LRRC26: variants seen among roughly 807,000 people sequenced by gnomAD.
LRRC26 encodes leucine-rich repeat-containing protein 26.
A neutral mutation model predicts 15.3 loss-of-function variants in LRRC26; 17 were observed. The observed-to-expected ratio is 1.11, with a 90% confidence interval of 0.76 to 1.66. The LOEUF (loss-of-function observed/expected upper bound fraction) is 1.66. Ranked by LOEUF, LRRC26 falls within the 40% of genes most tolerant of loss-of-function variation. The pLI, the probability that LRRC26 is intolerant of heterozygous loss-of-function variation, is 0.00. For synonymous variants in LRRC26, 301 were observed against 272.1 expected (o/e 1.11, Z -1.05); for missense variants, 573 against 501.0 (o/e 1.14, Z -1.37).
rs1190852860 is a variant in LRRC26, at chr9:137,170,007, C to T, written c.-64G>A. On this transcript the variant is annotated 5_prime_UTR_variant, in exon 1 of 2. Transcript: ENST00000371542. ...GCCCGCTGCCTGTGCGTCCCTGGAGCCCGTCGTCCGCGGAGCCCGTTCCTG... is the reference window on the plus strand; with the variant it reads ...GCCCGCTGCCTGTGCGTCCCTGGAGTCCGTCGTCCGCGGAGCCCGTTCCTG... The T allele has an allele frequency of 7.3e-7, 1 of 1,361,568 alleles. No individual in the cohort carries two copies. Among genetic ancestry groups the T allele is most frequent in the Non-Finnish European group, 9.4e-7 (1 of 1,065,408 alleles). The allele number at this position is 1,361,568 out of a possible 1,614,324, so 84.3% of individuals were successfully genotyped here. A position where few individuals can be genotyped will look rare whatever the true frequency, so the allele number is the denominator to read the frequency against.
At position 137,169,938 on chromosome 9, in the gene LRRC26, C is replaced by A. The variant is rs1221640751; in HGVS notation, c.6G>T (p.Arg2=). The A allele has an allele frequency of 3.8e-5, 55 of 1,446,008 alleles. No homozygotes were observed. The highest frequency in any genetic ancestry group is 4.8e-5 in the Non-Finnish European group (53 of 1,110,518). The allele number at this position is 1,446,008 out of a possible 1,614,324, so 89.6% of individuals were successfully genotyped here. A position where few individuals can be genotyped will look rare whatever the true frequency, so the allele number is the denominator to read the frequency against. The change falls in exon 1 of 2, where the codon CGG becomes CGT. Residue 2 remains arginine (R), a synonymous_variant. Transcript: ENST00000371542. ...GCCGAGGCCGCGACCAGGAAGGGCC[C>A]CGCATGGGGGCAGCCCCCCCGCCCC... The part of the protein sequence containing the change: M[R]GPSWSRPRPL...
rs1216669722 is a variant in LRRC26 at position 137,169,318 on chromosome 9, A to G, written c.626T>C (p.Leu209Pro). 7.0e-7 allele frequency: 1 copy of G among 1,428,896 alleles called. No homozygotes were observed. Among genetic ancestry groups the G allele is most frequent in the Non-Finnish European group, 9.1e-7 (1 of 1,098,820 alleles). 88.5% of individuals were successfully genotyped at this position (1,428,896 alleles called of 1,614,324 possible). Residue 209 changes from leucine to proline, a missense_variant, in exon 1 of 2, where the codon CTG (leucine) becomes CCG (proline). Physicochemically the swap from Leu to Pro is moderately conservative, Grantham distance 98 (BLOSUM62 -3). Transcript: ENST00000371542. Reference sequence around the variant, plus strand: ...GCGCAGCCAGGCGCAGAGCGGGCGCAGCGCGCACCCGCAGCCCCAAGGGTT... The same window carrying G: ...GCGCAGCCAGGCGCAGAGCGGGCGCGGCGCGCACCCGCAGCCCCAAGGGTT... ...RGNPWGCGCA[L>P]RPLCAWLRRH... is the part of the protein sequence containing the mutation.
chr9:137,169,136 G>A lies in LRRC26; in HGVS notation c.723C>T (p.Pro241=). 3.2e-6 allele frequency: 5 copies of A among 1,553,720 alleles called. No individual in the cohort carries two copies. The highest frequency in any genetic ancestry group is 4.3e-6 in the Non-Finnish European group (5 of 1,156,938). The change falls in exon 2 of 2, where the codon CCC becomes CCT. Residue 241 remains proline, a synonymous_variant. Transcript: ENST00000371542. ...CVWPGRLTLS[P]LTAFSDAAFS... ...AGGCGGCGTCGGAAAAGGCAGTCAG[G>A]GGGCTGAGCGTCAGGCGTCCCGGCC... is the stretch of plus-strand genomic sequence containing the variant.
Position 137,169,983 on chromosome 9 carries a change from C to G in LRRC26, c.-40G>C, listed in dbSNP as rs1172471063. 2.7e-5 allele frequency: 37 copies of G among 1,383,480 alleles called. No homozygotes were observed. Among genetic ancestry groups the G allele is most frequent in the Non-Finnish European group, 3.2e-5 (35 of 1,079,470 alleles). The allele number at this position is 1,383,480 out of a possible 1,614,324, so 85.7% of individuals were successfully genotyped here. A position where few individuals can be genotyped will look rare whatever the true frequency, so the allele number is the denominator to read the frequency against. On this transcript the variant is annotated 5_prime_UTR_variant, in exon 1 of 2. Transcript: ENST00000371542. ...CGCCCCCGGCACCCGCGGTGGGAGG[C>G]CCGCTGCCTGTGCGTCCCTGGAGCC... is the stretch of plus-strand genomic sequence containing the variant.
In LRRC26 at chr9:137,169,280, G is replaced by A; in HGVS notation, c.664C>T (p.Pro222Ser). Residue 222 changes from proline to serine, a missense_variant, in exon 1 of 2, where the codon CCC becomes TCC. Pro to Ser is a moderately conservative substitution (Grantham distance 74). Coordinates refer to ENST00000371542, the MANE Select transcript of LRRC26 (RefSeq NM_001013653.3). ...LCAWLRRHPL[P>S]ASEAETVLCV... ...GTCCCCAGCAGCTCACCTGACGCGGGCAGCGGGTGCCGGCGCAGCCAGGCG... is the reference window on the plus strand; with the variant it reads ...GTCCCCAGCAGCTCACCTGACGCGGACAGCGGGTGCCGGCGCAGCCAGGCG... 7.2e-7 allele frequency: 1 copy of A among 1,380,178 alleles called. No individual in the cohort carries two copies. The highest frequency in any genetic ancestry group is 1.5e-5 in the African/African-American group (1 of 65,548). The allele number at this position is 1,380,178 out of a possible 1,614,324, so 85.5% of individuals were successfully genotyped here. A position where few individuals can be genotyped will look rare whatever the true frequency, so the allele number is the denominator to read the frequency against.
At position 137,169,479 on chromosome 9, in the gene LRRC26, C is replaced by CA. The variant is rs1384468238; in HGVS notation, c.464dup (p.Ala156GlyfsTer96). The CA allele has an allele frequency of 2.0e-5, 30 of 1,521,034 alleles. No individual in the cohort carries two copies. Among genetic ancestry groups the CA allele is most frequent in the Non-Finnish European group, 2.5e-5 (29 of 1,141,686 alleles). 94.2% of individuals were successfully genotyped at this position (1,521,034 alleles called of 1,614,324 possible). A position where few individuals can be genotyped will look rare whatever the true frequency, so the allele number is the denominator to read the frequency against. ...CTAGCGCCGCGGGCTCCAGGCGCGC[C>CA]AGCCGGTTGCCGGCCAATGAGAGGT... is the stretch of plus-strand genomic sequence containing the variant. On this transcript the variant is annotated frameshift_variant, in exon 1 of 2. Coordinates refer to ENST00000371542, the MANE Select transcript of LRRC26 (RefSeq NM_001013653.3). LOFTEE classifies it high-confidence loss of function.
rs1834062405 is a variant in LRRC26, at chr9:137,169,970, C to T, written c.-27G>A. On this transcript the variant is annotated 5_prime_UTR_variant, in exon 1 of 2. Transcript: ENST00000371542. Reference sequence around the variant, plus strand: ...GGGGCAGCCCCCCCGCCCCCGGCACCCGCGGTGGGAGGCCCGCTGCCTGTG... The same window carrying T: ...GGGGCAGCCCCCCCGCCCCCGGCACTCGCGGTGGGAGGCCCGCTGCCTGTG... The T allele has an allele frequency of 7.2e-7, 1 of 1,393,374 alleles. No individual in the cohort carries two copies. The highest frequency in any genetic ancestry group is 9.2e-7 in the Non-Finnish European group (1 of 1,085,298). 86.3% of individuals were successfully genotyped at this position (1,393,374 alleles called of 1,614,324 possible).
chr9:137,169,213 T>G, intron 1 of LRRC26, 28 bp from the exon 2 acceptor site: 1 of 1,404,380 alleles, frequency 7.1e-7, no homozygotes, highest in Non-Finnish European at 9.2e-7. Flanking sequence ...AGGCGCGGCG[T>G]CAGGTGGCGG....
Position 137,169,746 on chromosome 9 carries a change from G to A in LRRC26, c.198C>T (p.Pro66=). Residue 66 remains proline (P), a synonymous_variant, in exon 1 of 2, where the codon CCC becomes CCT. Transcript: ENST00000371542. ...SCSALSLPAV[P]PGLSLRLRAL... is the part of the protein sequence containing the mutation. ...CGCGCAGGCGCAGGCTCAGGCCCGG[G>A]GGCACGGCGGGCAGCGAGAGTGCCG... The A allele has an allele frequency of 7.1e-7, 1 of 1,407,984 alleles. No homozygotes were observed. Among genetic ancestry groups the A allele is most frequent in the Admixed American group, 3.4e-5 (1 of 29,074 alleles). The allele number at this position is 1,407,984 out of a possible 1,614,324, so 87.2% of individuals were successfully genotyped here. A position where few individuals can be genotyped will look rare whatever the true frequency, so the allele number is the denominator to read the frequency against.
chr9:137,169,521 C>A lies in LRRC26; in HGVS notation c.423G>T (p.Pro141=). The A allele has an allele frequency of 2.0e-6, 3 of 1,523,630 alleles. No individual in the cohort carries two copies. Among genetic ancestry groups the A allele is most frequent in the African/African-American group, 2.8e-5 (2 of 70,590 alleles). 94.4% of individuals were successfully genotyped at this position (1,523,630 alleles called of 1,614,324 possible). A position where few individuals can be genotyped will look rare whatever the true frequency, so the allele number is the denominator to read the frequency against. ...LEALAPGTFA[P]LRALRNLSLA... is the part of the protein sequence containing the mutation. Reference sequence around the variant, plus strand: ...ATGAGAGGTTGCGCAGCGCGCGCAGCGGCGCGAAAGTCCCTGGTGCCAGTG... The same window carrying A: ...ATGAGAGGTTGCGCAGCGCGCGCAGAGGCGCGAAAGTCCCTGGTGCCAGTG... The change falls in exon 1 of 2, where the codon CCG becomes CCT. Residue 141 remains proline, a synonymous_variant. Transcript: ENST00000371542.
Position 137,169,196 on chromosome 9 carries a change from C to T in LRRC26, c.674-11G>A, listed in dbSNP as rs183059277. ...GCACCGTCTCGGCCTCTGTGGGACA[C>T]AGACAAAGGCGCGGCGTCAGGTGGC... On this transcript the variant is annotated splice_polypyrimidine_tract_variant and intron_variant, in intron 1 of 1. Transcript: ENST00000371542. The T allele has an allele frequency of 1.0e-3, 1,491 of 1,432,870 alleles. 13 individuals are homozygous for T. In the African/African-American group the frequency reaches 0.019, roughly 19 times the overall value. 88.8% of individuals were successfully genotyped at this position (1,432,870 alleles called of 1,614,324 possible). A position where few individuals can be genotyped will look rare whatever the true frequency, so the allele number is the denominator to read the frequency against.
At position 137,169,402 on chromosome 9, in the gene LRRC26, G is replaced by T; in HGVS notation, c.542C>A (p.Ala181Glu). 1 of 1,504,970 alleles carries T rather than the reference G, an allele frequency of 6.6e-7. No individual in the cohort carries two copies. The highest frequency in any genetic ancestry group is 2.7e-5 in the East Asian group (1 of 36,546). 93.2% of individuals were successfully genotyped at this position (1,504,970 alleles called of 1,614,324 possible). A position where few individuals can be genotyped will look rare whatever the true frequency, so the allele number is the denominator to read the frequency against. ...GCGGCCCAGCAGCCCCGGCGCGAGTGCCGCCAGCTCGTTGTCCTGCAGGCT... is the reference window on the plus strand; with the variant it reads ...GCGGCCCAGCAGCCCCGGCGCGAGTTCCGCCAGCTCGTTGTCCTGCAGGCT... Reference protein sequence around the residue: ...SLSLQDNELAALAPGLLGRLP... With the variant: ...SLSLQDNELAELAPGLLGRLP... The change falls in exon 1 of 2, where the codon GCA (alanine) becomes GAA (glutamate). Residue 181 changes from alanine to glutamate, a missense_variant. Ala to Glu is a moderately radical substitution (Grantham distance 107). Coordinates refer to ENST00000371542, the MANE Select transcript of LRRC26 (RefSeq NM_001013653.3).
chr9:137,169,162 A>G lies in LRRC26; in HGVS notation c.697T>C (p.Trp233Arg), dbSNP rs772732560. 6.6e-7 allele frequency: 1 copy of G among 1,526,074 alleles called. No homozygotes were observed. The highest frequency in any genetic ancestry group is 8.7e-7 in the Non-Finnish European group (1 of 1,143,238). 94.5% of individuals were successfully genotyped at this position (1,526,074 alleles called of 1,614,324 possible). Residue 233 changes from tryptophan to arginine, a missense_variant, in exon 2 of 2, where the codon TGG becomes CGG. Physicochemically the swap from Trp to Arg is moderately radical, Grantham distance 101 (BLOSUM62 -3). Transcript: ENST00000371542. ...ASEAETVLCV[W>R]PGRLTLSPLT... is the part of the protein sequence containing the mutation. ...GGGCTGAGCGTCAGGCGTCCCGGCC[A>G]CACGCAGAGCACCGTCTCGGCCTCT...
At chr9:137,169,237 CT>C (rs1834029594) in intron 1 of LRRC26, 33 bp downstream of exon 1, 1 of 1,380,706 alleles carries the variant, frequency 7.2e-7, no homozygotes, top group African/African-American at 1.5e-5. Context: ...CCGCACCGCC[CT>C]GCAGACCCCG....
Position 137,169,898 on chromosome 9 carries a change from ACAG to A in LRRC26, c.43_45del (p.Leu19del), listed in dbSNP as rs762555061. On this transcript the variant is annotated inframe_deletion, in exon 1 of 2. Coordinates refer to ENST00000371542, the MANE Select transcript of LRRC26 (RefSeq NM_001013653.3). Reference sequence around the variant, plus strand: ...ACAGGCCAAGGCGACAGCAGCAGCAACAGCAGCAGCAGCGGCCGAGGCCGCGAC... The same window carrying A: ...ACAGGCCAAGGCGACAGCAGCAGCAACAGCAGCAGCGGCCGAGGCCGCGAC... 1.2e-5 allele frequency: 18 copies of A among 1,477,318 alleles called. No homozygotes were observed. The highest frequency in any genetic ancestry group is 6.4e-5 in the South Asian group (5 of 78,130). The allele number at this position is 1,477,318 out of a possible 1,614,324, so 91.5% of individuals were successfully genotyped here. A position where few individuals can be genotyped will look rare whatever the true frequency, so the allele number is the denominator to read the frequency against.
chr9:137,169,284 C>G lies in LRRC26; in HGVS notation c.660G>C (p.Pro220=). ...CCAGCAGCTCACCTGACGCGGGCAG[C>G]GGGTGCCGGCGCAGCCAGGCGCAGA... ...RPLCAWLRRH[P]LPASEAETVL... is the part of the protein sequence containing the mutation. Residue 220 remains proline, a synonymous_variant, in exon 1 of 2, where the codon CCG becomes CCC. Coordinates refer to ENST00000371542, the MANE Select transcript of LRRC26 (RefSeq NM_001013653.3). The G allele has an allele frequency of 7.2e-7, 1 of 1,380,534 alleles. No individual in the cohort carries two copies. Among genetic ancestry groups the G allele is most frequent in the Non-Finnish European group, 9.3e-7 (1 of 1,075,012 alleles). 85.5% of individuals were successfully genotyped at this position (1,380,534 alleles called of 1,614,324 possible).
In LRRC26 at chr9:137,169,593, G is replaced by A. The variant is rs562119552; in HGVS notation, c.351C>T (p.Gly117=). The change falls in exon 1 of 2, where the codon GGC becomes GGT. Residue 117 remains glycine (G), a synonymous_variant. Coordinates refer to ENST00000371542, the MANE Select transcript of LRRC26 (RefSeq NM_001013653.3). The part of the protein sequence containing the change: ...LHSVHVRAFW[G]LGALQLLDLS... Reference sequence around the variant, plus strand: ...GGTCCAGCAGCTGCAGCGCGCCCAGGCCCCAGAAGGCTCGCACATGCACCG... The same window carrying A: ...GGTCCAGCAGCTGCAGCGCGCCCAGACCCCAGAAGGCTCGCACATGCACCG... The A allele has an allele frequency of 5.3e-6, 8 of 1,522,762 alleles. No homozygotes were observed. The East Asian group carries it at 1.8e-4, about 34-fold the overall frequency. 94.3% of individuals were successfully genotyped at this position (1,522,762 alleles called of 1,614,324 possible). A position where few individuals can be genotyped will look rare whatever the true frequency, so the allele number is the denominator to read the frequency against.
rs754541883 is a variant in LRRC26 at position 137,169,953 on chromosome 9, C to T, written c.-10G>A. ...AGGAAGGGCCCCGCATGGGGGCAGCCCCCCCGCCCCCGGCACCCGCGGTGG... is the reference window on the plus strand; with the variant it reads ...AGGAAGGGCCCCGCATGGGGGCAGCTCCCCCGCCCCCGGCACCCGCGGTGG... On this transcript the variant is annotated 5_prime_UTR_variant, in exon 1 of 2. Transcript: ENST00000371542. The T allele has an allele frequency of 1.4e-6, 2 of 1,406,702 alleles. No individual in the cohort carries two copies. The highest frequency in any genetic ancestry group is 1.8e-6 in the Non-Finnish European group (2 of 1,093,038). 87.1% of individuals were successfully genotyped at this position (1,406,702 alleles called of 1,614,324 possible).
chr9:137,169,882 GGCGACAGCAGCA>G lies in LRRC26; in HGVS notation c.50_61del (p.Leu17_Ser20del). ...CGACACCTGGGCCCAGACAGGCCAA[GGCGACAGCAGCA>G]GCAACAGCAGCAGCAGCGGCCGAGG... On this transcript the variant is annotated inframe_deletion, in exon 1 of 2. Transcript: ENST00000371542. 1.3e-6 allele frequency: 2 copies of G among 1,482,486 alleles called. No homozygotes were observed. Among genetic ancestry groups the G allele is most frequent in the South Asian group, 1.3e-5 (1 of 78,714 alleles). The allele number at this position is 1,482,486 out of a possible 1,614,324, so 91.8% of individuals were successfully genotyped here. A position where few individuals can be genotyped will look rare whatever the true frequency, so the allele number is the denominator to read the frequency against.
Sources: gnomAD v4.1 joint callset for allele counts on GRCh38, gnomAD v4.1.1 for gene constraint, MANE v1.5 for transcripts, NCBI Gene and HGNC (gene_info 2026-07-23, HGNC 2026-07-21) for gene names.